MID2: variants seen among roughly 807,000 people sequenced by gnomAD.
MID2 encodes midline 2.
MID2 carries 13 observed loss-of-function variants against 46.1 expected under a neutral mutation model. The ratio of observed to expected loss-of-function variants is 0.28; its 90% CI spans 0.18 to 0.45. The LOEUF (loss-of-function observed/expected upper bound fraction) is 0.45. MID2 is among the 20% of genes least tolerant of loss of function. MID2 has a pLI of 1.00. For missense variants in MID2, 431 were observed against 575.4 expected, an observed-to-expected ratio of 0.75 and a Z score of 2.57; for synonymous variants, 199 against 212.3, an observed-to-expected ratio of 0.94 and a Z score of 0.55.
chrX:107,926,620 C>G (rs749587380), intron 9 of MID2, 51 bp from the exon 10 acceptor site: 3 of 1,105,138 alleles, frequency 2.7e-6, no homozygotes, highest in Non-Finnish European at 3.7e-6. Flanking sequence ...TCTTACACAA[C>G]TCAGATAATT....
chrX:107,856,539 C>T (rs1931740805), intron 3 of MID2, among the ~76,000 whole-genome samples: 1 of 111,885 alleles, frequency 8.9e-6, no homozygotes, highest in African/African-American at 3.2e-5. Context: ...TCTCTAAGGT[C>T]TCATCTTGCC....
chrX:107,887,297 A>C (rs1378757714), intron 3 of MID2, among the ~76,000 whole-genome samples: 1 of 111,910 alleles, frequency 8.9e-6, no homozygotes, highest in Non-Finnish European at 1.9e-5. Context: ...AGATACGTCC[A>C]ATCAATGCCT....
intron 3 of MID2, among the ~76,000 whole-genome samples, chrX:107,882,180 C>T: frequency 8.9e-6 from 1 of 112,296 alleles, no homozygotes; most frequent in Non-Finnish European, 1.9e-5. Flanking sequence ...GGATCCCTTC[C>T]TTACACCTTA....
At chrX:107,830,613 A>G (rs1473844556) in intron 1 of MID2, among the ~76,000 whole-genome samples, 1 of 112,199 alleles carries the variant, frequency 8.9e-6, no homozygotes, top group Non-Finnish European at 1.9e-5. Flanking sequence ...TTTGGTACCA[A>G]GATGGTGTTG....
At chrX:107,885,295 C>T (rs1297300927) in intron 3 of MID2, among the ~76,000 whole-genome samples, 2 of 91,471 alleles carry the variant, frequency 2.2e-5, no homozygotes, top group Admixed American at 1.2e-4. Context: ...CAACAGGCCC[C>T]GGTGTGTGAT....
chrX:107,839,015 G>A (rs964599949), intron 1 of MID2, among the ~76,000 whole-genome samples: 6 of 111,189 alleles, frequency 5.4e-5, no homozygotes, highest in Non-Finnish European at 7.6e-5. Context: ...AGCCCAGGAG[G>A]CTGAAGCAGG....
At position 107,833,425 on chromosome X, in the gene MID2, A is replaced by AT. The variant is rs201800936; in HGVS notation, c.4+6996dup. On this transcript the variant is annotated intron_variant, in intron 1 of 9. Coordinates refer to ENST00000262843, the MANE Select transcript of MID2 (RefSeq NM_012216.4). ...GAATGTTTATTTTATATATATATAT[A>AT]TATATTTTTTTTAAAAACCTACAGC... 6.4e-3 allele frequency among the ~76,000 whole-genome samples: 652 copies of AT among 102,049 alleles called. 6 individuals carry two copies. The highest frequency in any genetic ancestry group is 0.019 in the African/African-American group (509 of 26,424). 88.6% of individuals were successfully genotyped at this position (102,049 alleles called of 115,157 possible).
At chrX:107,879,281 G>C (rs1370068489) in intron 3 of MID2, among the ~76,000 whole-genome samples, 1 of 111,909 alleles carries the variant, frequency 8.9e-6, no homozygotes, top group African/African-American at 3.2e-5. Flanking sequence ...GAGGTCACAT[G>C]AACAAATTGG....
chrX:107,842,688 T>C (rs761445424), intron 2 of MID2, among the ~76,000 whole-genome samples: 15 of 112,446 alleles, frequency 1.3e-4, no homozygotes, highest in Non-Finnish European at 2.3e-4. Context: ...ATACCTGATA[T>C]GTATAAATGT....
At chrX:107,861,325 T>C (rs1042436824) in intron 3 of MID2, among the ~76,000 whole-genome samples, 16 of 111,396 alleles carry the variant, frequency 1.4e-4, no homozygotes, top group African/African-American at 5.2e-4. Flanking sequence ...AAGTAAGTTA[T>C]AAGGAAATGC....
In MID2 at chrX:107,850,484, G is replaced by A. The variant is rs982752465; in HGVS notation, c.721-4125G>A. On this transcript the variant is annotated intron_variant, in intron 2 of 9. Coordinates refer to ENST00000262843, the MANE Select transcript of MID2 (RefSeq NM_012216.4). ...ATAGGAAATGAGTAAGTAAATGTTC[G>A]GTGTTTTCCTCAAATTATGTCTCAT... is the stretch of plus-strand genomic sequence containing the variant. 6.3e-5 allele frequency among the ~76,000 whole-genome samples: 7 copies of A among 111,893 alleles called. No individual in the cohort carries two copies. The East Asian group carries it at 1.1e-3, about 18-fold the overall frequency.
intron 1 of MID2, among the ~76,000 whole-genome samples, chrX:107,837,709 C>A (rs1931241517): frequency 9.0e-6 from 1 of 110,809 alleles, no homozygotes; most frequent in Non-Finnish European, 1.9e-5. Flanking sequence ...TTATACTGAC[C>A]TGTGCTCTGG....
At position 107,924,658 on chromosome X, in the gene MID2, TG is replaced by T. The variant is rs376086477; in HGVS notation, c.1597+155del. Among the ~76,000 whole-genome samples, 95 of 111,788 alleles carry T rather than the reference TG, an allele frequency of 8.5e-4. 1 individual carries two copies. The highest frequency in any genetic ancestry group is 4.6e-3 in the Middle Eastern group (1 of 217). ...TAGTTTGTACTTTGGGCAAGGAGTTTGTTGGTGCCCATGGGAGATTTGTGGA... is the reference window on the plus strand; with the variant it reads ...TAGTTTGTACTTTGGGCAAGGAGTTTTTGGTGCCCATGGGAGATTTGTGGA... On this transcript the variant is annotated intron_variant, in intron 8 of 9. Transcript: ENST00000262843.
At chrX:107,906,132 A>G (rs1272440816) in intron 5 of MID2, among the ~76,000 whole-genome samples, 1 of 111,792 alleles carries the variant, frequency 8.9e-6, no homozygotes, top group East Asian at 2.8e-4. Flanking sequence ...ATAATTTTCT[A>G]TACTATTTCA....
intron 3 of MID2, among the ~76,000 whole-genome samples, chrX:107,858,073 CA>C (rs1256439710): frequency 8.9e-6 from 1 of 112,306 alleles, no homozygotes; most frequent in South Asian, 3.7e-4. Context: ...AGAAAGTAAA[CA>C]AAGCTGCAGT....
intron 3 of MID2, among the ~76,000 whole-genome samples, chrX:107,873,886 A>G (rs1932132821): frequency 8.9e-6 from 1 of 112,019 alleles, no homozygotes; most frequent in African/African-American, 3.2e-5. Flanking sequence ...AGATAGTGGC[A>G]TGGGCACAGA....
At chrX:107,877,059 A>C (rs1254934863) in intron 3 of MID2, among the ~76,000 whole-genome samples, 2 of 111,593 alleles carry the variant, frequency 1.8e-5, no homozygotes, top group Non-Finnish European at 3.8e-5. Flanking sequence ...TCTGGGGTTC[A>C]TTTCTTTAGT....
At chrX:107,892,971 T>G in intron 3 of MID2, among the ~76,000 whole-genome samples, 1 of 112,740 alleles carries the variant, frequency 8.9e-6, no homozygotes, top group East Asian at 2.8e-4. Context: ...GCCTTATCTA[T>G]CTCGTGTATT....
At chrX:107,886,843 CT>C (rs1932464922) in intron 3 of MID2, among the ~76,000 whole-genome samples, 1 of 111,601 alleles carries the variant, frequency 9.0e-6, no homozygotes, top group South Asian at 3.8e-4. Flanking sequence ...CTTGACATCC[CT>C]TGTAAGTTGG....
Sources: allele counts gnomAD v4.1 joint callset (sites outside exome capture counted in the v4.1 genomes callset), GRCh38; gene constraint gnomAD v4.1.1; transcripts MANE v1.5; gene names NCBI Gene and HGNC (gene_info 2026-07-23, HGNC 2026-07-21).